KCNQ1: variants seen among roughly 807,000 people sequenced by gnomAD.
KCNQ1 encodes potassium voltage-gated channel subfamily KQT member 1.
Under a neutral mutation model 72.4 loss-of-function variants are expected in KCNQ1, and 49 were observed. The ratio of observed to expected loss-of-function variants is 0.68; its 90% CI spans 0.54 to 0.86. KCNQ1 has a LOEUF of 0.86. KCNQ1 is among the 40% of genes least tolerant of loss of function. The probability of loss-of-function intolerance (pLI) is 0.00; values close to 1 mark genes in which losing one functional copy is unlikely to be tolerated. For synonymous variants in KCNQ1, 450 were observed against 412.6 expected (o/e 1.09, Z -1.10); for missense variants, 790 against 945.1 (o/e 0.84, Z 2.15).
chr11:2,632,037 GCCAGGCA>G, intron 10 of KCNQ1: 1 of 396,244 alleles, frequency 2.5e-6, no homozygotes, highest in Non-Finnish European at 4.4e-6. Flanking sequence ...AAAAACATTA[GCCAGGCA>G]TAGCAGCGTG....
Position 2,494,138 on chromosome 11 carries a change from GCTCT to G in KCNQ1, c.387-33787_387-33784del, listed in dbSNP as rs956854194. Among the ~76,000 whole-genome samples, 1 of 151,952 alleles carries G rather than the reference GCTCT, an allele frequency of 6.6e-6. No homozygotes were observed. The highest frequency in any genetic ancestry group is 1.5e-5 in the Non-Finnish European group (1 of 67,994). ...TGAATGGGGATTCACTCATGATTTGGCTCTCTGCTTGTCTATTTTTGGTGTATAG... is the reference window on the plus strand; with the variant it reads ...TGAATGGGGATTCACTCATGATTTGGCTGCTTGTCTATTTTTGGTGTATAG... On this transcript the variant is annotated intron_variant, in intron 1 of 15. Coordinates refer to ENST00000155840, the MANE Select transcript of KCNQ1 (RefSeq NM_000218.3). The surrounding 1 kb of genome is among the most constrained non-coding windows in gnomAD (Gnocchi z 4.6).
chr11:2,717,513 C>T (rs1056206159), intron 11 of KCNQ1, among the ~76,000 whole-genome samples: 1 of 152,158 alleles, frequency 6.6e-6, no homozygotes, highest in East Asian at 1.9e-4. Flanking sequence ...CTTCCAGAAC[C>T]TTTTAATGAA....
Position 2,598,609 on chromosome 11 carries a change from TAA to T in KCNQ1, c.1393+9766_1393+9767del, listed in dbSNP as rs767929610. Among the ~76,000 whole-genome samples the T allele has an allele frequency of 7.0e-6, 1 of 143,610 alleles. No homozygotes were observed. Among genetic ancestry groups the T allele is most frequent in the Non-Finnish European group, 1.5e-5 (1 of 65,712 alleles). 94.2% of individuals were successfully genotyped at this position (143,610 alleles called of 152,430 possible). On this transcript the variant is annotated intron_variant, in intron 10 of 15. Transcript: ENST00000155840. This position sits in a 1 kb window ranked among gnomAD's most constrained non-coding sequence, Gnocchi z 6.2. Reference sequence around the variant, plus strand: ...CATTTAGGTCTGCTCTGCCCTTAGTTAAAAAAAAAAAACCCTAATACATCTGC... The same window carrying T: ...CATTTAGGTCTGCTCTGCCCTTAGTTAAAAAAAAAACCCTAATACATCTGC...
chr11:2,726,841 C>T (rs942533745), intron 11 of KCNQ1, among the ~76,000 whole-genome samples: 4 of 152,164 alleles, frequency 2.6e-5, no homozygotes, highest in South Asian at 2.1e-4. Context: ...CTGGCATGGG[C>T]GCCAGGTCTG....
At chr11:2,580,204 C>G (rs1205228227) in intron 6 of KCNQ1, among the ~76,000 whole-genome samples, 3 of 152,170 alleles carry the variant, frequency 2.0e-5, no homozygotes, top group East Asian at 2.0e-4. Flanking sequence ...CGCCCAGCCC[C>G]CCTCAGGCCA....
rs969660969 is a variant in KCNQ1, at chr11:2,816,765, A to T, written c.1795-31002A>T. Among the ~76,000 whole-genome samples the T allele has an allele frequency of 2.6e-5, 4 of 151,988 alleles. No homozygotes were observed. The highest frequency in any genetic ancestry group is 2.6e-4 in the Admixed American group (4 of 15,274). On this transcript the variant is annotated intron_variant, in intron 15 of 15. Coordinates refer to ENST00000155840, the MANE Select transcript of KCNQ1 (RefSeq NM_000218.3). This position sits in a 1 kb window ranked among gnomAD's most constrained non-coding sequence, Gnocchi z 6.8. Reference sequence around the variant, plus strand: ...CTGCACTGAACGCTCCTCCCAGCTCATGCTTTCCAAAGTCCCCTGCTCAGG... The same window carrying T: ...CTGCACTGAACGCTCCTCCCAGCTCTTGCTTTCCAAAGTCCCCTGCTCAGG...
At chr11:2,709,450 T>G (rs1054408647) in intron 11 of KCNQ1, among the ~76,000 whole-genome samples, 4 of 151,976 alleles carry the variant, frequency 2.6e-5, no homozygotes, top group African/African-American at 9.7e-5. Context: ...TTTTTTGGTG[T>G]TCATTTTTGT....
chr11:2,742,871 C>T (rs1430156716), intron 11 of KCNQ1, among the ~76,000 whole-genome samples: 2 of 152,200 alleles, frequency 1.3e-5, no homozygotes, highest in African/African-American at 4.8e-5. Flanking sequence ...ACAGGAAATC[C>T]AGTGCTCCGA....
intron 10 of KCNQ1, chr11:2,640,091 C>T (rs960289750): frequency 2.0e-5 from 5 of 251,824 alleles, no homozygotes; most frequent in African/African-American, 1.1e-4. Flanking sequence ...TCCAGTTTTC[C>T]AGGTGCCGTC....
intron 15 of KCNQ1, among the ~76,000 whole-genome samples, chr11:2,796,336 G>A (rs537104990): frequency 3.3e-5 from 5 of 152,312 alleles, no homozygotes; most frequent in South Asian, 2.1e-4. Context: ...AGGCGGCCAC[G>A]TCAGTTCTCA....
rs533711705 is a variant in KCNQ1, at chr11:2,601,563, G to A, written c.1393+12709G>A. Among the ~76,000 whole-genome samples the A allele has an allele frequency of 6.6e-6, 1 of 152,016 alleles. No individual in the cohort carries two copies. The highest frequency in any genetic ancestry group is 6.6e-5 in the Admixed American group (1 of 15,260). On this transcript the variant is annotated intron_variant, in intron 10 of 15. Transcript: ENST00000155840. This position sits in a 1 kb window ranked among gnomAD's most constrained non-coding sequence, Gnocchi z 5.2. ...GTTCCCATTATTTGTCCTTTTACACGGACTTTCTCCCATCCCATCCCTCCA... is the reference window on the plus strand; with the variant it reads ...GTTCCCATTATTTGTCCTTTTACACAGACTTTCTCCCATCCCATCCCTCCA...
At chr11:2,822,030 C>T (rs1264133754) in intron 15 of KCNQ1, among the ~76,000 whole-genome samples, 1 of 152,166 alleles carries the variant, frequency 6.6e-6, no homozygotes, top group Admixed American at 6.5e-5. Context: ...AAGAGGGAGG[C>T]AGGAGGGTCA....
chr11:2,574,282 G>A (rs1848386366), intron 6 of KCNQ1, among the ~76,000 whole-genome samples: 1 of 152,196 alleles, frequency 6.6e-6, no homozygotes, highest in Non-Finnish European at 1.5e-5. Flanking sequence ...GTGACAGGGT[G>A]ACCCCTACTC....
intron 10 of KCNQ1, chr11:2,649,985 T>C: frequency 2.5e-6 from 1 of 398,496 alleles, no homozygotes; most frequent in Non-Finnish European, 4.4e-6. Flanking sequence ...CATTCTTTTT[T>C]ATTGTTATTT....
intron 11 of KCNQ1, among the ~76,000 whole-genome samples, chr11:2,731,489 G>A (rs878873243): frequency 1.3e-5 from 2 of 152,224 alleles, no homozygotes; most frequent in African/African-American, 2.4e-5. Context: ...CAGGGAAGGC[G>A]GACACCCAGG....
chr11:2,487,606 T>C (rs1040933967), intron 1 of KCNQ1, among the ~76,000 whole-genome samples: 2 of 152,220 alleles, frequency 1.3e-5, no homozygotes, highest in African/African-American at 2.4e-5. Context: ...AGTTAATTCC[T>C]AAGTATTCTA....
In KCNQ1 at chr11:2,710,428, G is replaced by T. The variant is rs540669649; in HGVS notation, c.1514+48347G>T. On this transcript the variant is annotated intron_variant, in intron 11 of 15. Transcript: ENST00000155840. The surrounding 1 kb of genome is among the most constrained non-coding windows in gnomAD (Gnocchi z 4.1). Reference sequence around the variant, plus strand: ...TATATTTTCTTCCTTTTTGTGGGTTGTCTTTTCACTTTCTTGATCATGTCC... The same window carrying T: ...TATATTTTCTTCCTTTTTGTGGGTTTTCTTTTCACTTTCTTGATCATGTCC... Among the ~76,000 whole-genome samples, 2 of 152,122 alleles carry T rather than the reference G, an allele frequency of 1.3e-5. No individual in the cohort carries two copies. Among genetic ancestry groups the T allele is most frequent in the South Asian group, 4.2e-4 (2 of 4,812 alleles).
At chr11:2,699,321 A>T (rs953996638) in intron 11 of KCNQ1, 2 of 399,010 alleles carry the variant, frequency 5.0e-6, no homozygotes, top group Non-Finnish European at 8.8e-6. Flanking sequence ...CGGGGCACAC[A>T]GCTCACCTCA....
chr11:2,466,992 G>C (rs1846361417), intron 1 of KCNQ1, among the ~76,000 whole-genome samples: 1 of 152,228 alleles, frequency 6.6e-6, no homozygotes, highest in Non-Finnish European at 1.5e-5. Flanking sequence ...TTTGTGGGCA[G>C]CTGGGCTGCA....
Sources: allele counts gnomAD v4.1 joint callset (sites outside exome capture counted in the v4.1 genomes callset), GRCh38; gene constraint gnomAD v4.1.1; non-coding constraint Gnocchi (gnomAD v3.1); transcripts MANE v1.5; gene names NCBI Gene and HGNC (gene_info 2026-07-23, HGNC 2026-07-21).